The following SLC9A6 variants were observed in gnomAD, a reference collection of about 807,000 sequenced individuals.
The protein encoded by SLC9A6 is sodium/hydrogen exchanger 6.
A neutral mutation model predicts 45.3 loss-of-function variants in SLC9A6; 6 were observed. The observed-to-expected ratio is 0.13, with a 90% CI of 0.07 to 0.26. The LOEUF (loss-of-function observed/expected upper bound fraction) is 0.26. SLC9A6 is among the 10% of genes least tolerant of loss of function. The pLI is 1.00. For missense variants in SLC9A6, 278 were observed against 503.7 expected (o/e 0.55, Z 4.29); for synonymous variants, 191 against 187.7 (o/e 1.02, Z -0.14).
chrX:135,998,682 A>T lies in SLC9A6; in HGVS notation c.524+124A>T, dbSNP rs191054074. The stretch of plus-strand genomic sequence containing the variant: ...CTAAAGACTTTTGCAATATTCACGT[A>T]GGTAATAAGTTGTTTGAATTTTCCT... On this transcript the variant is annotated intron_variant, in intron 5 of 17. Coordinates refer to ENST00000630721, the MANE Select transcript of SLC9A6 (RefSeq NM_001379110.1). 42 of 646,490 alleles carry T rather than the reference A, an allele frequency of 6.5e-5. No individual in the cohort carries two copies. In the East Asian group the frequency reaches 1.3e-3, roughly 19 times the overall value. 53.3% of individuals were successfully genotyped at this position (646,490 alleles called of 1,213,427 possible). A position where few individuals can be genotyped will look rare whatever the true frequency, so the allele number is the denominator to read the frequency against.
intron 16 of SLC9A6, among the ~76,000 whole-genome samples, chrX:136,036,892 A>G (rs914085723): frequency 8.9e-6 from 1 of 112,517 alleles, no homozygotes; most frequent in East Asian, 2.8e-4. Flanking sequence ...ATTTTTGTGC[A>G]TGGTGAGAGA....
intron 7 of SLC9A6, among the ~76,000 whole-genome samples, chrX:136,007,023 T>G (rs2089668335): frequency 9.0e-6 from 1 of 110,853 alleles, no homozygotes; most frequent in African/African-American, 3.3e-5. Flanking sequence ...CACACCACCA[T>G]GCCCAGCTAA....
At chrX:136,015,008 GC>G (rs1569524964) in intron 10 of SLC9A6, among the ~76,000 whole-genome samples, 1 of 112,458 alleles carries the variant, frequency 8.9e-6, no homozygotes, top group Non-Finnish European at 1.9e-5. Flanking sequence ...ATTTAGGAAG[GC>G]CTAGGGGAGG....
chrX:135,996,737 TTTG>T (rs782744380), intron 3 of SLC9A6, among the ~76,000 whole-genome samples: 2 of 111,567 alleles, frequency 1.8e-5, no homozygotes, highest in African/African-American at 3.3e-5. Flanking sequence ...TCATTTATTT[TTTG>T]TTGTTGTTGT....
At chrX:135,977,707 C>CT (rs1326515881) in intron 1 of SLC9A6, among the ~76,000 whole-genome samples, 33 of 105,765 alleles carry the variant, frequency 3.1e-4, no homozygotes, top group Admixed American at 1.4e-3. Flanking sequence ...ATCCTGTTTA[C>CT]TTTTTTTTTT....
rs1464789038 is a variant in SLC9A6, at chrX:136,046,244, T to G, written c.*1520T>G. 8.9e-6 allele frequency: 1 copy of G among 112,577 alleles called. No homozygotes were observed. The highest frequency in any genetic ancestry group is 3.2e-5 in the African/African-American group (1 of 30,867). The allele number at this position is 112,577 out of a possible 1,213,427, so 9.3% of individuals were successfully genotyped here. A position where few individuals can be genotyped will look rare whatever the true frequency, so the allele number is the denominator to read the frequency against. On this transcript the variant is annotated 3_prime_UTR_variant, in exon 18 of 18. Transcript: ENST00000630721. ...GAAAAATACCCTTCTGAACAAAACATGTACTTACTCTCCGAAAGGCATCTA... is the reference window on the plus strand; with the variant it reads ...GAAAAATACCCTTCTGAACAAAACAGGTACTTACTCTCCGAAAGGCATCTA...
intron 13 of SLC9A6, among the ~76,000 whole-genome samples, chrX:136,024,984 T>A (rs1213348663): frequency 8.9e-6 from 1 of 112,155 alleles, no homozygotes. Flanking sequence ...TGTTTGATTA[T>A]TTTTTAGAAT....
intron 16 of SLC9A6, among the ~76,000 whole-genome samples, chrX:136,036,328 CTAAGTCTTT>C (rs1347201127): frequency 9.0e-6 from 1 of 111,253 alleles, no homozygotes; most frequent in Non-Finnish European, 1.9e-5. Flanking sequence ...TTTGTGAAGT[CTAAGTCTTT>C]CGTCCATTGT....
At chrX:136,023,185 A>ATGTATG (rs1193275114) in intron 12 of SLC9A6, among the ~76,000 whole-genome samples, 12 of 34,174 alleles carry the variant, frequency 3.5e-4, no homozygotes, top group African/African-American at 2.0e-3. Context: ...ATATATATAT[A>ATGTATG]TATATATATA....
intron 7 of SLC9A6, among the ~76,000 whole-genome samples, chrX:136,008,309 C>T (rs1443474370): frequency 1.8e-5 from 2 of 111,182 alleles, no homozygotes; most frequent in Non-Finnish European, 3.8e-5. Flanking sequence ...GATGTCAGCT[C>T]ACTGCAACCT....
At position 135,998,464 on chromosome X, in the gene SLC9A6, C is replaced by CTTTTTT; in HGVS notation, c.448-11_448-6dup. On this transcript the variant is annotated splice_polypyrimidine_tract_variant and intron_variant, in intron 4 of 17. Transcript: ENST00000630721. ...ACTGGTAAGTATTCTAACAGTGTAA[C>CTTTTTT]TTTTTTTTTTTTGTCAGAGACATTT... 1 of 839,120 alleles carries CTTTTTT rather than the reference C, an allele frequency of 1.2e-6. No homozygotes were observed. The highest frequency in any genetic ancestry group is 1.6e-6 in the Non-Finnish European group (1 of 615,072). The allele number at this position is 839,120 out of a possible 1,213,427, so 69.2% of individuals were successfully genotyped here. A position where few individuals can be genotyped will look rare whatever the true frequency, so the allele number is the denominator to read the frequency against.
chrX:136,016,901 T>C, intron 11 of SLC9A6, 143 bp downstream of exon 11: 1 of 402,104 alleles, frequency 2.5e-6, no homozygotes. Context: ...AGCTCTTTTT[T>C]CTAGTCTATT....
intron 1 of SLC9A6, among the ~76,000 whole-genome samples, chrX:135,980,126 G>A (rs2089279951): frequency 9.0e-6 from 1 of 111,149 alleles, no homozygotes. Flanking sequence ...TTTTTGACCA[G>A]GAAAATGAAT....
intron 12 of SLC9A6, among the ~76,000 whole-genome samples, chrX:136,023,750 T>C (rs555687583): frequency 1.8e-5 from 2 of 111,637 alleles, no homozygotes; most frequent in African/African-American, 6.5e-5. Flanking sequence ...CACACACCTC[T>C]ATGAATTTGC....
chrX:135,989,348 A>G (rs1368967140), intron 2 of SLC9A6, among the ~76,000 whole-genome samples: 1 of 112,050 alleles, frequency 8.9e-6, no homozygotes, highest in East Asian at 2.8e-4. Context: ...GAGGTAGTTA[A>G]ATTAAGTCTG....
At position 135,998,479 on chromosome X, in the gene SLC9A6, C is replaced by A; in HGVS notation, c.448-3C>A. ...AACAGTGTAACTTTTTTTTTTTTGT[C>A]AGAGACATTTTTTTCGAAATCTTGG... is the stretch of plus-strand genomic sequence containing the variant. On this transcript the variant is annotated splice_polypyrimidine_tract_variant and splice_region_variant and intron_variant, in intron 4 of 17. Transcript: ENST00000630721. The A allele has an allele frequency of 9.5e-7, 1 of 1,052,601 alleles. No individual in the cohort carries two copies. Among genetic ancestry groups the A allele is most frequent in the Non-Finnish European group, 1.2e-6 (1 of 803,894 alleles). 86.7% of individuals were successfully genotyped at this position (1,052,601 alleles called of 1,213,427 possible).
At chrX:136,020,532 G>T (rs781886992) in intron 11 of SLC9A6, among the ~76,000 whole-genome samples, 1 of 110,329 alleles carries the variant, frequency 9.1e-6, no homozygotes, top group Non-Finnish European at 1.9e-5. Flanking sequence ...CACCACGCCC[G>T]GCTAATTTTT....
chrX:136,019,251 G>A (rs985550362), intron 11 of SLC9A6, among the ~76,000 whole-genome samples: 1 of 112,396 alleles, frequency 8.9e-6, no homozygotes, highest in African/African-American at 3.2e-5. Context: ...TGGTATGGCA[G>A]TTCTGCTGCA....
chrX:136,018,448 T>G (rs1342954050), intron 11 of SLC9A6, among the ~76,000 whole-genome samples: 2 of 112,232 alleles, frequency 1.8e-5, no homozygotes, highest in African/African-American at 6.5e-5. Flanking sequence ...TGGAGTTTTT[T>G]CAAGTGGGTG....
Sources: allele counts gnomAD v4.1 joint callset (sites outside exome capture counted in the v4.1 genomes callset), GRCh38; gene constraint gnomAD v4.1.1; transcripts MANE v1.5; gene names NCBI Gene and HGNC (gene_info 2026-07-23, HGNC 2026-07-21).